The following CLEC16A variants were observed in gnomAD, a reference collection of about 807,000 sequenced individuals.
CLEC16A encodes the protein protein CLEC16A.
CLEC16A carries 51 observed loss-of-function variants against 109.5 expected under a neutral mutation model. The ratio of observed to expected loss-of-function variants is 0.47; its 90% CI spans 0.37 to 0.59. The LOEUF (loss-of-function observed/expected upper bound fraction) is 0.59. CLEC16A is among the 20% of genes least tolerant of loss of function. The pLI, the probability that CLEC16A is intolerant of heterozygous loss-of-function variation, is 0.00. For missense variants in CLEC16A, 1,339 were observed against 1,394.0 expected (o/e 0.96, Z 0.63); for synonymous variants, 673 against 564.2 (o/e 1.19, Z -2.73).
intron 11 of CLEC16A, 117 bp from the exon 12 acceptor site, chr16:11,020,076 A>G (rs2152801880): frequency 1.6e-6 from 2 of 1,214,668 alleles, no homozygotes; most frequent in South Asian, 3.7e-5. Flanking sequence ...GCTGTCGGAC[A>G]TGTGCTTGAT....
chr16:10,980,416 C>T (rs866334012), intron 9 of CLEC16A, among the ~76,000 whole-genome samples: 2 of 151,888 alleles, frequency 1.3e-5, no homozygotes, highest in Non-Finnish European at 2.9e-5. Flanking sequence ...CCAAGTCTGC[C>T]GGCATCTCCT....
chr16:11,012,392 G>C (rs936692153), intron 11 of CLEC16A, among the ~76,000 whole-genome samples: 8 of 152,056 alleles, frequency 5.3e-5, no homozygotes, highest in African/African-American at 1.9e-4. Flanking sequence ...TCAGGAGATC[G>C]AGACGATCCT....
Position 10,994,667 on chromosome 16 carries a change from G to A in CLEC16A, c.1072-8407G>A, listed in dbSNP as rs369492936. 3.3e-5 allele frequency among the ~76,000 whole-genome samples: 5 copies of A among 152,004 alleles called. No homozygotes were observed. The South Asian group carries it at 6.2e-4, about 19-fold the overall frequency. On this transcript the variant is annotated intron_variant, in intron 10 of 23. Transcript: ENST00000409790. Reference sequence around the variant, plus strand: ...TGCAGTGAGCTAAGATCACACCACTGCACTCCAGCCTGGGTGACAAAGTAA... The same window carrying A: ...TGCAGTGAGCTAAGATCACACCACTACACTCCAGCCTGGGTGACAAAGTAA...
intron 10 of CLEC16A, among the ~76,000 whole-genome samples, chr16:10,996,439 G>A (rs1009585972): frequency 6.6e-6 from 1 of 152,210 alleles, no homozygotes; most frequent in African/African-American, 2.4e-5. Flanking sequence ...GAAGTAAAAG[G>A]TGAGTGGCTT....
At chr16:11,151,614 T>C (rs1052516119) in intron 22 of CLEC16A, among the ~76,000 whole-genome samples, 1 of 152,342 alleles carries the variant, frequency 6.6e-6, no homozygotes, top group African/African-American at 2.4e-5. Context: ...TCTGTATAGA[T>C]GAATAGAGAT....
chr16:11,138,500 G>C (rs1272843409), intron 22 of CLEC16A, among the ~76,000 whole-genome samples: 1 of 152,234 alleles, frequency 6.6e-6, no homozygotes, highest in East Asian at 1.9e-4. Flanking sequence ...ACTGGAGTTG[G>C]GAAGGGCAGA....
At chr16:11,123,099 T>A (rs562270199) in intron 20 of CLEC16A, among the ~76,000 whole-genome samples, 65 of 152,174 alleles carry the variant, frequency 4.3e-4, no homozygotes, top group African/African-American at 1.5e-3. Context: ...AGACTGGGTT[T>A]CACCCTCTTG....
chr16:10,990,297 G>C (rs1171187058), intron 10 of CLEC16A, among the ~76,000 whole-genome samples: 3 of 152,188 alleles, frequency 2.0e-5, no homozygotes. Context: ...TGGCAGCTCT[G>C]GTCTATGTTT....
Position 11,178,279 on chromosome 16 carries a change from T to A in CLEC16A, c.2807-56T>A. On this transcript the variant is annotated intron_variant, in intron 23 of 23. Transcript: ENST00000409790. The surrounding 1 kb of genome is among the most constrained non-coding windows in gnomAD (Gnocchi z 6.5). ...TTCAGGATGGGAGCACAGGGCGCAG[T>A]GCGACGGGGTGTCTCAAGGGCTCAG... is the stretch of plus-strand genomic sequence containing the variant. 6.7e-7 allele frequency: 1 copy of A among 1,482,660 alleles called. No individual in the cohort carries two copies. Among genetic ancestry groups the A allele is most frequent in the Non-Finnish European group, 9.3e-7 (1 of 1,079,510 alleles). 91.8% of individuals were successfully genotyped at this position (1,482,660 alleles called of 1,614,324 possible).
At chr16:11,082,116 A>C (rs1262648588) in intron 19 of CLEC16A, among the ~76,000 whole-genome samples, 1 of 152,228 alleles carries the variant, frequency 6.6e-6, no homozygotes, top group Non-Finnish European at 1.5e-5. Flanking sequence ...AAGTTCTGTG[A>C]AGGTTCGTGC....
chr16:11,060,530 G>A (rs2048423725), intron 18 of CLEC16A, among the ~76,000 whole-genome samples: 1 of 152,200 alleles, frequency 6.6e-6, no homozygotes, highest in Non-Finnish European at 1.5e-5. Context: ...CATGGCCTGG[G>A]CAGGTCACTT....
At chr16:11,010,217 G>C (rs947454042) in intron 11 of CLEC16A, among the ~76,000 whole-genome samples, 1 of 152,028 alleles carries the variant, frequency 6.6e-6, no homozygotes, top group African/African-American at 2.4e-5. Context: ...CAGGGGATAG[G>C]GTGGGTGGGG....
At position 11,158,802 on chromosome 16, in the gene CLEC16A, C is replaced by T. The variant is rs377102816; in HGVS notation, c.2642-7586C>T. 6.6e-4 allele frequency among the ~76,000 whole-genome samples: 101 copies of T among 152,192 alleles called. 1 individual carries two copies. In the South Asian group the frequency reaches 0.021, roughly 31 times the overall value. On this transcript the variant is annotated intron_variant, in intron 22 of 23. Coordinates refer to ENST00000409790, the MANE Select transcript of CLEC16A (RefSeq NM_015226.3). ...GGGCATGGTGGTGCATGCCTGTAGT[C>T]CCAGCTACTTGGGAGACTGAGGCAG...
chr16:10,970,167 C>T (rs2042712821), intron 4 of CLEC16A, among the ~76,000 whole-genome samples: 3 of 152,190 alleles, frequency 2.0e-5, no homozygotes, highest in African/African-American at 7.2e-5. Context: ...AGGACCCAGG[C>T]TTTCCCATCT....
chr16:10,975,111 G>A (rs569691087), intron 7 of CLEC16A, among the ~76,000 whole-genome samples: 2 of 152,320 alleles, frequency 1.3e-5, no homozygotes, highest in Admixed American at 1.3e-4. Context: ...GGGAGGCTGA[G>A]GCGGGCAGAT....
chr16:11,062,838 A>G (rs1391864879), intron 19 of CLEC16A, among the ~76,000 whole-genome samples: 1 of 146,200 alleles, frequency 6.8e-6, no homozygotes, highest in African/African-American at 2.6e-5. Flanking sequence ...GCTGCAAAGA[A>G]TCATAAACCA....
intron 22 of CLEC16A, among the ~76,000 whole-genome samples, chr16:11,143,565 T>A (rs991927297): frequency 6.6e-6 from 1 of 152,168 alleles, no homozygotes; most frequent in Non-Finnish European, 1.5e-5. Flanking sequence ...AACAAAGGGC[T>A]TAAGTGAAGC....
chr16:10,987,612 T>C lies in CLEC16A; in HGVS notation c.1071+4621T>C, dbSNP rs151245956. On this transcript the variant is annotated intron_variant, in intron 10 of 23. Transcript: ENST00000409790. ...GCTTTCTGCTTCCAGTTACTACCTT[T>C]CTCTCAGTGTGAAGTTGAAGTTGGT... Among the ~76,000 whole-genome samples the C allele has an allele frequency of 2.6e-5, 4 of 152,334 alleles. No homozygotes were observed. The East Asian group carries it at 7.7e-4, about 29-fold the overall frequency.
intron 19 of CLEC16A, among the ~76,000 whole-genome samples, chr16:11,111,114 A>AAGAATTTT (rs1260814839): frequency 3.9e-5 from 6 of 152,236 alleles, no homozygotes; most frequent in Non-Finnish European, 8.8e-5. Flanking sequence ...GTGGTACTGA[A>AAGAATTTT]AGAATTTTAG....
Sources: allele counts gnomAD v4.1 joint callset (sites outside exome capture counted in the v4.1 genomes callset), GRCh38; gene constraint gnomAD v4.1.1; non-coding constraint Gnocchi (gnomAD v3.1); transcripts MANE v1.5; gene names NCBI Gene and HGNC (gene_info 2026-07-23, HGNC 2026-07-21).